The following POU2F2 variants were observed in gnomAD, a reference collection of about 807,000 sequenced individuals.
The protein encoded by POU2F2 is POU domain, class 2, transcription factor 2.
Under a neutral mutation model 63.5 loss-of-function variants are expected in POU2F2, and 14 were observed. The observed-to-expected ratio is 0.22, with a 90% CI of 0.15 to 0.34. The LOEUF is 0.34. Ranked by LOEUF, POU2F2 falls within the 10% of genes least tolerant of loss-of-function variation. POU2F2 has a pLI of 1.00. For synonymous variants in POU2F2, 306 were observed against 348.6 expected, an observed-to-expected ratio of 0.88 and a Z score of 1.36; for missense variants, 607 against 815.2, an observed-to-expected ratio of 0.74 and a Z score of 3.11.
intron 7 of POU2F2, among the ~76,000 whole-genome samples, chr19:42,097,192 GTTTTTTTTTTT>G (rs778449653): frequency 7.6e-5 from 9 of 117,752 alleles, no homozygotes; most frequent in Non-Finnish European, 1.6e-4. Flanking sequence ...GAATTTTTCA[GTTTTTTTTTTT>G]TTTTTTTTTT....
chr19:42,161,532 C>A (rs2034551219), intron 1 of POU2F2, among the ~76,000 whole-genome samples: 1 of 151,308 alleles, frequency 6.6e-6, no homozygotes, highest in African/African-American at 2.4e-5. Context: ...AGGGAGGCAC[C>A]AGAGTTCAAA....
upstream of POU2F2, among the ~76,000 whole-genome samples, chr19:42,135,201 G>A (rs2033978836): frequency 6.6e-6 from 1 of 152,128 alleles, no homozygotes; most frequent in Admixed American, 6.5e-5. Context: ...TGGGAGCTCA[G>A]AGAGGCTCCT....
rs756999992 is a variant in POU2F2, at chr19:42,117,367, C to T, written c.252G>A (p.Gln84=). 1.3e-6 allele frequency: 2 copies of T among 1,529,190 alleles called. No homozygotes were observed. The highest frequency in any genetic ancestry group is 2.4e-5 in the Admixed American group (1 of 41,162). 94.7% of individuals were successfully genotyped at this position (1,529,190 alleles called of 1,614,324 possible). A position where few individuals can be genotyped will look rare whatever the true frequency, so the allele number is the denominator to read the frequency against. ...CGCCACTGGGGTCTTCAGCCTTGAT[C>T]TGGGGGGGAGAGAGGCAGGGTCCGG... The part of the protein sequence containing the change: ...WGPGPCLSPP[Q]IKAEDPSGDS... The change falls in exon 5 of 15, where the codon CAG becomes CAA. Residue 84 remains glutamine (Q), a synonymous_variant. Transcript: ENST00000692977. The surrounding 1 kb of genome is among the most constrained non-coding windows in gnomAD (Gnocchi z 4.4).
chr19:42,149,720 G>A (rs924166256), intron 2 of POU2F2, among the ~76,000 whole-genome samples: 1 of 150,262 alleles, frequency 6.7e-6, no homozygotes, highest in Non-Finnish European at 1.5e-5. Context: ...GGGAGGGAGG[G>A]GGAAGAGCAA....
At chr19:42,138,323 T>A (rs908317222) in intron 2 of POU2F2, among the ~76,000 whole-genome samples, 2 of 151,990 alleles carry the variant, frequency 1.3e-5, no homozygotes, top group Admixed American at 1.3e-4. Flanking sequence ...GCACAGAAGA[T>A]TGGGGCAGGT....
rs1005969368 is a variant in POU2F2, at chr19:42,092,885, T to A, written c.1265-615A>T. The stretch of plus-strand genomic sequence containing the variant: ...AGGCAAGCACTTACTACTTTATAAA[T>A]CTCCACTTACTATTTTCTAGCCTGG... On this transcript the variant is annotated intron_variant, in intron 12 of 14. Transcript: ENST00000692977. The surrounding 1 kb of genome is among the most constrained non-coding windows in gnomAD (Gnocchi z 5.0). Among the ~76,000 whole-genome samples, 3 of 150,352 alleles carry A rather than the reference T, an allele frequency of 2.0e-5. No individual in the cohort carries two copies. The highest frequency in any genetic ancestry group is 4.9e-5 in the African/African-American group (2 of 40,774).
chr19:42,163,169 G>A (rs990475073), intron 1 of POU2F2, among the ~76,000 whole-genome samples: 13 of 152,132 alleles, frequency 8.5e-5, no homozygotes, highest in African/African-American at 3.1e-4. Flanking sequence ...GAAGGTACAG[G>A]AACTGGGCAC....
chr19:42,150,756 C>A (rs1242154270), intron 2 of POU2F2, among the ~76,000 whole-genome samples: 1 of 150,734 alleles, frequency 6.6e-6, no homozygotes, highest in Admixed American at 6.6e-5. Flanking sequence ...TTTTTTTATT[C>A]TTTTAATTTT....
At chr19:42,147,819 G>T (rs2034262294) in intron 2 of POU2F2, among the ~76,000 whole-genome samples, 1 of 152,200 alleles carries the variant, frequency 6.6e-6, no homozygotes, top group Non-Finnish European at 1.5e-5. Flanking sequence ...CTAGAGGATG[G>T]GCAGGAGTCA....
chr19:42,121,331 G>A (rs1490879877), intron 4 of POU2F2, among the ~76,000 whole-genome samples: 1 of 152,116 alleles, frequency 6.6e-6, no homozygotes, highest in Non-Finnish European at 1.5e-5. Flanking sequence ...GGTAGCATGG[G>A]GGTACACCAG....
At position 42,096,296 on chromosome 19, in the gene POU2F2, T is replaced by C; in HGVS notation, c.568-53A>G. On this transcript the variant is annotated intron_variant, in intron 7 of 14. Transcript: ENST00000692977. The surrounding 1 kb of genome is among the most constrained non-coding windows in gnomAD (Gnocchi z 4.1). ...GCAGGGCGGAGGACCAGGATGGGGCTCAGCGATGGGTGCACAGTCCCCCTC... is the reference window on the plus strand; with the variant it reads ...GCAGGGCGGAGGACCAGGATGGGGCCCAGCGATGGGTGCACAGTCCCCCTC... The C allele has an allele frequency of 1.4e-6, 2 of 1,469,534 alleles. No individual in the cohort carries two copies. The highest frequency in any genetic ancestry group is 1.3e-5 in the South Asian group (1 of 74,528). The allele number at this position is 1,469,534 out of a possible 1,614,324, so 91.0% of individuals were successfully genotyped here. A position where few individuals can be genotyped will look rare whatever the true frequency, so the allele number is the denominator to read the frequency against.
At chr19:42,139,628 T>C (rs987217406) in intron 2 of POU2F2, among the ~76,000 whole-genome samples, 4 of 152,082 alleles carry the variant, frequency 2.6e-5, no homozygotes, top group Non-Finnish European at 4.4e-5. Flanking sequence ...TTAGTAGAAA[T>C]AGGGTTTCAC....
intron 1 of POU2F2, among the ~76,000 whole-genome samples, chr19:42,187,708 G>A (rs1042632135): frequency 6.7e-6 from 1 of 148,260 alleles, no homozygotes; most frequent in Non-Finnish European, 1.5e-5. Context: ...GTTGCAGTGA[G>A]CCGAGATCAT....
At chr19:42,106,007 C>CTTTCT (rs1380695099) in intron 5 of POU2F2, among the ~76,000 whole-genome samples, 1 of 119,882 alleles carries the variant, frequency 8.3e-6, no homozygotes, top group African/African-American at 3.2e-5. Context: ...TTTTTTCTTT[C>CTTTCT]TTTCTTTCTT....
intron 1 of POU2F2, among the ~76,000 whole-genome samples, chr19:42,181,387 C>G (rs939380045): frequency 6.6e-6 from 1 of 152,208 alleles, no homozygotes; most frequent in Non-Finnish European, 1.5e-5. Context: ...TGAGGGCCAT[C>G]TCTGGGTACA....
intron 1 of POU2F2, 102 bp downstream of exon 1, chr19:42,132,282 A>C (rs1354362918): frequency 3.0e-6 from 4 of 1,351,254 alleles, no homozygotes; most frequent in Non-Finnish European, 4.1e-6. Context: ...GAGGAGAAGG[A>C]CAATGGAGAC....
At chr19:42,157,827 T>G (rs1374891576) in intron 2 of POU2F2, among the ~76,000 whole-genome samples, 6 of 151,964 alleles carry the variant, frequency 3.9e-5, no homozygotes, top group Non-Finnish European at 8.8e-5. Context: ...AAGGCCCTGC[T>G]GTGGGTGGGA....
upstream of POU2F2, among the ~76,000 whole-genome samples, chr19:42,178,490 C>G (rs561534697): frequency 3.2e-4 from 49 of 152,152 alleles, no homozygotes; most frequent in Middle Eastern, 3.4e-3. Flanking sequence ...CAGAGGCAGA[C>G]ACACACAGAG....
At chr19:42,191,268 G>C (rs1046212426) in intron 1 of POU2F2, among the ~76,000 whole-genome samples, 1 of 152,106 alleles carries the variant, frequency 6.6e-6, no homozygotes, top group East Asian at 1.9e-4. Flanking sequence ...GGGCATCAGA[G>C]AACAGAAAAA....
Sources: gnomAD v4.1 joint callset for allele counts (sites outside exome capture counted in the v4.1 genomes callset) on GRCh38, gnomAD v4.1.1 for gene constraint, Gnocchi (gnomAD v3.1) non-coding constraint, MANE v1.5 for transcripts, NCBI Gene and HGNC (gene_info 2026-07-23, HGNC 2026-07-21) for gene names.